ZNF675: variants seen among roughly 807,000 people sequenced by gnomAD.
ZNF675 encodes the protein TRAF6 inhibitory zinc finger.
Under a neutral mutation model 56.1 loss-of-function variants are expected in ZNF675, and 36 were observed. The ratio of observed to expected loss-of-function variants is 0.64; its 90% CI spans 0.49 to 0.85. ZNF675 has a LOEUF of 0.85. Ranked by LOEUF, ZNF675 falls within the 40% of genes least tolerant of loss-of-function variation. ZNF675 has a pLI of 0.00. For missense variants in ZNF675, 663 were observed against 654.2 expected (o/e 1.01, Z -0.15); for synonymous variants, 200 against 218.9 (o/e 0.91, Z 0.76).
chr19:23,654,071 C>T lies in ZNF675; in HGVS notation c.862G>A (p.Glu288Lys), dbSNP rs1403901628. ...HTGEKPYKCE[E>K]CGKAFNQFSN... Reference sequence around the variant, plus strand: ...AACTGGTTAAAGGCTTTGCCACATTCTTCACATTTGTAGGGTTTCTCTCCT... The same window carrying T: ...AACTGGTTAAAGGCTTTGCCACATTTTTCACATTTGTAGGGTTTCTCTCCT... Residue 288 changes from glutamate (E) to lysine (K), a missense_variant, in exon 4 of 4, where the codon GAA (glutamate) becomes AAA (lysine). Physicochemically the swap from Glu to Lys is moderately conservative, Grantham distance 56. This residue lies in a region of ZNF675 where 617 missense variants were observed against 590.5 expected (regional missense o/e 1.04). Coordinates refer to ENST00000359788, the MANE Select transcript of ZNF675 (RefSeq NM_138330.3). 2 of 1,613,670 alleles carry T rather than the reference C, an allele frequency of 1.2e-6. No homozygotes were observed. The highest frequency in any genetic ancestry group is 2.7e-5 in the African/African-American group (2 of 74,914).
chr19:23,669,297 C>G (rs116087686), intron 1 of ZNF675, among the ~76,000 whole-genome samples: 1 of 72,314 alleles, frequency 1.4e-5, no homozygotes, highest in Admixed American at 1.9e-4. Flanking sequence ...CCGTTGGCAG[C>G]GGGCAGTTCG....
Position 23,663,138 on chromosome 19 carries a change from A to G in ZNF675, c.24T>C (p.Asp8=). 1.2e-6 allele frequency: 2 copies of G among 1,610,070 alleles called. No homozygotes were observed. The highest frequency in any genetic ancestry group is 1.7e-6 in the Non-Finnish European group (2 of 1,178,190). Reference sequence around the variant, plus strand: ...CTTCCAGAGAGAATTCTATGGCCACATCCCTAAATGTCAACAGTCCCTGAA... The same window carrying G: ...CTTCCAGAGAGAATTCTATGGCCACGTCCCTAAATGTCAACAGTCCCTGAA... The part of the protein sequence containing the change: MGLLTFR[D]VAIEFSLEEW... The change falls in exon 2 of 4, where the codon GAT becomes GAC. Residue 8 remains aspartate (D), a synonymous_variant. Coordinates refer to ENST00000359788, the MANE Select transcript of ZNF675 (RefSeq NM_138330.3).
chr19:23,653,677 G>C lies in ZNF675; in HGVS notation c.1256C>G (p.Thr419Ser). ...TTCACATTTGTAGGGTTTCTCTCCA[G>C]TGTGAATTCTCTTATGTGTAGTAAG... Reference protein sequence around the residue: ...SALTTHKRIHTGEKPYKCEEC... With the variant: ...SALTTHKRIHSGEKPYKCEEC... The change falls in exon 4 of 4, where the codon ACT becomes AGT. Residue 419 changes from threonine (T) to serine (S), a missense_variant. Thr to Ser is a moderately conservative substitution (Grantham distance 58, BLOSUM62 1). Transcript: ENST00000359788. The C allele has an allele frequency of 3.1e-6, 5 of 1,613,740 alleles. No homozygotes were observed. Among genetic ancestry groups the C allele is most frequent in the Non-Finnish European group, 4.2e-6 (5 of 1,179,976 alleles).
chr19:23,679,435 T>A (rs547399082), intron 1 of ZNF675, among the ~76,000 whole-genome samples: 7 of 151,688 alleles, frequency 4.6e-5, no homozygotes, highest in African/African-American at 1.7e-4. Context: ...TAAAAAACTC[T>A]GGAAGATAAC....
At chr19:23,663,290 C>A (rs899638526) in intron 1 of ZNF675, 132 bp from the exon 2 acceptor site, 1 of 1,179,284 alleles carries the variant, frequency 8.5e-7, no homozygotes, top group South Asian at 1.4e-5. Flanking sequence ...CCAATAAAAT[C>A]ATATTTTTTA....
chr19:23,673,680 G>A lies in ZNF675; in HGVS notation c.4-10522C>T, dbSNP rs540032169. Among the ~76,000 whole-genome samples, 4 of 152,158 alleles carry A rather than the reference G, an allele frequency of 2.6e-5. No individual in the cohort carries two copies. The South Asian group carries it at 8.3e-4, about 32-fold the overall frequency. ...CATTAAAATAAAAATTTTCTGGTTG[G>A]GGGCAAGGGGAGGGAGAGCATTAGG... On this transcript the variant is annotated intron_variant, in intron 1 of 3. Coordinates refer to ENST00000359788, the MANE Select transcript of ZNF675 (RefSeq NM_138330.3).
chr19:23,664,822 G>A (rs1334214915), intron 1 of ZNF675, among the ~76,000 whole-genome samples: 14 of 151,840 alleles, frequency 9.2e-5, no homozygotes, highest in Non-Finnish European at 1.3e-4. Context: ...ATAATGGTAC[G>A]TGCCTGTAAT....
chr19:23,668,995 AG>A (rs748769660), intron 1 of ZNF675, among the ~76,000 whole-genome samples: 6 of 152,208 alleles, frequency 3.9e-5, no homozygotes, highest in Non-Finnish European at 8.8e-5. Flanking sequence ...GGTGGGCTGA[AG>A]GGCTCCTCAA....
At chr19:23,679,011 C>T (rs898906371) in intron 1 of ZNF675, among the ~76,000 whole-genome samples, 3 of 150,736 alleles carry the variant, frequency 2.0e-5, no homozygotes, top group African/African-American at 7.4e-5. Context: ...CTAAAAAATA[C>T]AAAAAATTAG....
At chr19:23,667,946 CATAAA>C (rs1968175716) in intron 1 of ZNF675, among the ~76,000 whole-genome samples, 2 of 148,976 alleles carry the variant, frequency 1.3e-5, no homozygotes. Context: ...CTGAGCTAGA[CATAAA>C]GGTTCTCCAA....
chr19:23,673,966 G>C (rs1968258299), intron 1 of ZNF675, among the ~76,000 whole-genome samples: 2 of 151,984 alleles, frequency 1.3e-5, no homozygotes, highest in South Asian at 4.1e-4. Flanking sequence ...ACTTTGGGAG[G>C]TTGAGGTGGG....
At chr19:23,662,884 T>A in intron 2 of ZNF675, 148 bp downstream of exon 2, 1 of 603,882 alleles carries the variant, frequency 1.7e-6, no homozygotes, top group Non-Finnish European at 2.6e-6. Flanking sequence ...CTTGGAAGGC[T>A]GAGGCACGAG....
intron 1 of ZNF675, among the ~76,000 whole-genome samples, chr19:23,663,537 A>G (rs973347421): frequency 1.3e-5 from 2 of 152,174 alleles, no homozygotes; most frequent in Non-Finnish European, 2.9e-5. Flanking sequence ...TACTAAAAAT[A>G]CAAAATTAGC....
At chr19:23,658,806 T>C (rs950644312) in intron 3 of ZNF675, 2 of 142,834 alleles carry the variant, frequency 1.4e-5, no homozygotes, top group African/African-American at 2.6e-5. Flanking sequence ...TAGATATCTA[T>C]AGAGATATAG....
chr19:23,680,947 G>A (rs1409338484), intron 1 of ZNF675, among the ~76,000 whole-genome samples: 1 of 151,606 alleles, frequency 6.6e-6, no homozygotes, highest in Admixed American at 6.6e-5. Context: ...AAACCTTCAT[G>A]ACACAATTTT....
In ZNF675 at chr19:23,654,462, T is replaced by C; in HGVS notation, c.471A>G (p.Ser157=). The C allele has an allele frequency of 1.2e-6, 2 of 1,601,888 alleles. No homozygotes were observed. The highest frequency in any genetic ancestry group is 1.7e-6 in the Non-Finnish European group (2 of 1,175,594). The change falls in exon 4 of 4, where the codon TCA becomes TCG. Residue 157 remains serine, a synonymous_variant. Transcript: ENST00000359788. ...GTTTTATCTTATGTCTATCTGAATG[T>C]GAAAATTTATTAAAGACTTTCACAT... is the stretch of plus-strand genomic sequence containing the variant. The part of the protein sequence containing the change: ...DKYVKVFNKF[S]HSDRHKIKHM...
At chr19:23,665,035 T>G (rs1968131308) in intron 1 of ZNF675, among the ~76,000 whole-genome samples, 1 of 151,620 alleles carries the variant, frequency 6.6e-6, no homozygotes, top group African/African-American at 2.4e-5. Flanking sequence ...TTCTGCAAAC[T>G]GGCCATGTAA....
At chr19:23,685,287 C>T (rs4932900) in intron 1 of ZNF675, among the ~76,000 whole-genome samples, 147,910 of 152,296 alleles carry the variant, frequency 0.97, 71,988 homozygotes, top group Middle Eastern at 1. Flanking sequence ...AAAGGAAGAG[C>T]GCAGGGGAGA....
chr19:23,681,091 TAC>T (rs1323283753), intron 1 of ZNF675, among the ~76,000 whole-genome samples: 2 of 151,872 alleles, frequency 1.3e-5, no homozygotes, highest in African/African-American at 2.4e-5. Flanking sequence ...TAGGTGAGGC[TAC>T]ACTGATTTAT....
Sources: allele counts gnomAD v4.1 joint callset (sites outside exome capture counted in the v4.1 genomes callset), GRCh38; gene constraint gnomAD v4.1.1; regional missense constraint gnomAD v4.1.1; transcripts MANE v1.5; gene names NCBI Gene and HGNC (gene_info 2026-07-23, HGNC 2026-07-21).